Variants in RBM33 observed in about 807,000 individuals in gnomAD.
RBM33 encodes RNA-binding protein 33.
In RBM33, 28 loss-of-function variants were observed where a neutral mutation model predicts 132.6. That is an observed-to-expected ratio of 0.21 (90% CI 0.16 to 0.29). The LOEUF (loss-of-function observed/expected upper bound fraction) is 0.29, where lower values mean the gene tolerates loss of function less well. Among genes scored for constraint, RBM33 ranks in the 10% least tolerant of loss-of-function variants. The pLI is 1.00. For synonymous variants in RBM33, 634 were observed against 593.0 expected (o/e 1.07, Z -1.01); for missense variants, 1,291 against 1,518.5 (o/e 0.85, Z 2.49).
intron 1 of RBM33, among the ~76,000 whole-genome samples, chr7:155,662,110 G>A (rs993651362): frequency 2.6e-5 from 4 of 152,010 alleles, no homozygotes; most frequent in Admixed American, 6.6e-5. Context: ...ATGTTGCTCC[G>A]CAGTGACCAC....
intron 1 of RBM33, among the ~76,000 whole-genome samples, chr7:155,650,109 C>G (rs1025774546): frequency 1.3e-5 from 2 of 152,240 alleles, no homozygotes; most frequent in African/African-American, 4.8e-5. Flanking sequence ...TGGCCATCAT[C>G]CCTTGCCCCA....
chr7:155,734,413 C>T (rs1297989254), intron 9 of RBM33, among the ~76,000 whole-genome samples: 2 of 152,202 alleles, frequency 1.3e-5, no homozygotes, highest in Non-Finnish European at 2.9e-5. Context: ...CTATCATAAC[C>T]ACACTTAACG....
chr7:155,669,508 G>A (rs1798889441), intron 2 of RBM33, among the ~76,000 whole-genome samples: 1 of 151,998 alleles, frequency 6.6e-6, no homozygotes, highest in Admixed American at 6.5e-5. Flanking sequence ...ATGTGCCACC[G>A]TGCCTGGCTA....
At chr7:155,645,730 T>G (rs1221749514) in intron 1 of RBM33, among the ~76,000 whole-genome samples, 1 of 152,216 alleles carries the variant, frequency 6.6e-6, no homozygotes, top group Non-Finnish European at 1.5e-5. Context: ...TTGAAAACTT[T>G]GAAAAGATGG....
chr7:155,758,926 G>A (rs1801939302), intron 14 of RBM33, among the ~76,000 whole-genome samples: 1 of 152,112 alleles, frequency 6.6e-6, no homozygotes, highest in Non-Finnish European at 1.5e-5. Flanking sequence ...GTCAGTCTGG[G>A]CCCAAGAGCT....
chr7:155,694,994 G>A (rs947849505), intron 5 of RBM33, among the ~76,000 whole-genome samples: 2 of 152,098 alleles, frequency 1.3e-5, no homozygotes, highest in Non-Finnish European at 2.9e-5. Context: ...CAAAGTGGCT[G>A]TACCATTTGG....
intron 5 of RBM33, among the ~76,000 whole-genome samples, chr7:155,692,779 A>C (rs1034339123): frequency 6.6e-6 from 1 of 152,246 alleles, no homozygotes; most frequent in Non-Finnish European, 1.5e-5. Context: ...AAAAGCTTTA[A>C]AGCTCCTGTC....
chr7:155,745,337 A>G lies in RBM33; in HGVS notation c.2714A>G (p.Gln905Arg), dbSNP rs1269312434. The change falls in exon 14 of 18, where the codon CAA (glutamine) becomes CGA (arginine). Residue 905 changes from glutamine to arginine, a missense_variant. Coordinates refer to ENST00000401878, the MANE Select transcript of RBM33 (RefSeq NM_053043.3). The surrounding 1 kb of genome is among the most constrained non-coding windows in gnomAD (Gnocchi z 4.1). ...PSSANMQYQG[Q>R]QMKALKHLRQ... is the part of the protein sequence containing the mutation. ...AGTGCCAACATGCAGTATCAAGGAC[A>G]ACAGATGAAAGCACTGAAACATTTG... 6.2e-7 allele frequency: 1 copy of G among 1,613,424 alleles called. No individual in the cohort carries two copies.
intron 7 of RBM33, among the ~76,000 whole-genome samples, chr7:155,709,789 G>T (rs1366562892): frequency 1.3e-5 from 2 of 152,200 alleles, no homozygotes; most frequent in Admixed American, 1.3e-4. Context: ...TAAGGAGGGG[G>T]AAACATACTG....
chr7:155,725,203 G>GTTTTTT (rs59050644), intron 9 of RBM33, among the ~76,000 whole-genome samples: 31 of 105,160 alleles, frequency 2.9e-4, no homozygotes, highest in African/African-American at 3.6e-4. Context: ...TTTTTTAGTT[G>GTTTTTT]TTTTTTTTTT....
At position 155,706,120 on chromosome 7, in the gene RBM33, C is replaced by T. The variant is rs537761709; in HGVS notation, c.740-740C>T. Among the ~76,000 whole-genome samples the T allele has an allele frequency of 3.9e-5, 6 of 152,274 alleles. No individual in the cohort carries two copies. In the East Asian group the frequency reaches 1.2e-3, roughly 29 times the overall value. On this transcript the variant is annotated intron_variant, in intron 6 of 17. Coordinates refer to ENST00000401878, the MANE Select transcript of RBM33 (RefSeq NM_053043.3). The stretch of plus-strand genomic sequence containing the variant: ...GTGCCATCGTATGCTATTAATAGCT[C>T]TACTGGCTTCAGTAAGAAAATCATA...
At chr7:155,754,107 T>A (rs1391794587) in intron 14 of RBM33, among the ~76,000 whole-genome samples, 1 of 152,208 alleles carries the variant, frequency 6.6e-6, no homozygotes, top group East Asian at 1.9e-4. Flanking sequence ...CCATTGGTCA[T>A]TAGAGGACAT....
In RBM33 at chr7:155,686,925, T is replaced by C. The variant is rs1381663017; in HGVS notation, c.567+6017T>C. On this transcript the variant is annotated intron_variant, in intron 5 of 17. Transcript: ENST00000401878. Reference sequence around the variant, plus strand: ...ACCAAGTCTTTGCTATTGTGAATAGTTCCTCAGTAAACATACATGTGCATG... The same window carrying C: ...ACCAAGTCTTTGCTATTGTGAATAGCTCCTCAGTAAACATACATGTGCATG... 2.0e-5 allele frequency among the ~76,000 whole-genome samples: 3 copies of C among 152,222 alleles called. No homozygotes were observed. The East Asian group carries it at 5.8e-4, about 29-fold the overall frequency.
chr7:155,736,846 G>C (rs1345857387), intron 9 of RBM33, among the ~76,000 whole-genome samples: 2 of 152,152 alleles, frequency 1.3e-5, no homozygotes, highest in Admixed American at 1.3e-4. Context: ...TAATTGCATG[G>C]ATTTCAATAA....
chr7:155,703,788 A>G (rs1488046481), intron 6 of RBM33, among the ~76,000 whole-genome samples: 1 of 152,198 alleles, frequency 6.6e-6, no homozygotes, highest in Non-Finnish European at 1.5e-5. Flanking sequence ...TTTACACATC[A>G]GTTTATTTGT....
chr7:155,712,592 A>G (rs1488595794), intron 8 of RBM33, among the ~76,000 whole-genome samples: 1 of 152,218 alleles, frequency 6.6e-6, no homozygotes, highest in Non-Finnish European at 1.5e-5. Flanking sequence ...GGTGAACTTC[A>G]CTGAGCAGGA....
Position 155,701,686 on chromosome 7 carries a change from A to G in RBM33, c.739+742A>G, listed in dbSNP as rs1272639598. ...ATAGGGTAGAGCCCAAAAAAGTTGT[A>G]TTTTTTTTGTTTTGTTTTTGAGACA... On this transcript the variant is annotated intron_variant, in intron 6 of 17. Coordinates refer to ENST00000401878, the MANE Select transcript of RBM33 (RefSeq NM_053043.3). 2.0e-5 allele frequency among the ~76,000 whole-genome samples: 3 copies of G among 151,830 alleles called. No homozygotes were observed. The East Asian group carries it at 5.8e-4, about 29-fold the overall frequency.
rs1585419516 is a variant in RBM33 at position 155,673,434 on chromosome 7, G to A, written c.171+519G>A. On this transcript the variant is annotated intron_variant, in intron 3 of 17. Transcript: ENST00000401878. ...TGTGTGTGTGTGTGTGTGTGTGTGT[G>A]TGTGTGTATGTGTATATATACCCAC... Among the ~76,000 whole-genome samples the A allele has an allele frequency of 1.4e-5, 2 of 147,080 alleles. 1 individual carries two copies. Among genetic ancestry groups the A allele is most frequent in the South Asian group, 4.3e-4 (2 of 4,606 alleles).
chr7:155,645,072 C>G, intron 1 of RBM33, 153 bp downstream of exon 1: 1 of 538,774 alleles, frequency 1.9e-6, no homozygotes. Flanking sequence ...CTCGCCTTCC[C>G]TCGCTATTGT....
Sources: gnomAD v4.1 joint callset for allele counts (sites outside exome capture counted in the v4.1 genomes callset) on GRCh38, gnomAD v4.1.1 for gene constraint, Gnocchi (gnomAD v3.1) non-coding constraint, MANE v1.5 for transcripts, NCBI Gene and HGNC (gene_info 2026-07-23, HGNC 2026-07-21) for gene names.